Variants in LARP1 observed in about 807,000 individuals in gnomAD.
LARP1 encodes the protein la-related protein 1.
LARP1 carries 36 observed loss-of-function variants against 122.7 expected under a neutral mutation model. That is an observed-to-expected ratio of 0.29 (90% CI 0.22 to 0.39). LARP1 has a LOEUF of 0.39. Ranked by LOEUF, LARP1 falls within the 10% of genes least tolerant of loss-of-function variation. The pLI, the probability that LARP1 is intolerant of heterozygous loss-of-function variation, is 1.00. For missense variants in LARP1, 1,040 were observed against 1,403.6 expected (o/e 0.74, Z 4.14); for synonymous variants, 539 against 528.7 (o/e 1.02, Z -0.27).
intron 1 of LARP1, among the ~76,000 whole-genome samples, chr5:154,762,262 C>CA (rs1561576318): frequency 6.6e-6 from 1 of 151,490 alleles, no homozygotes; most frequent in Non-Finnish European, 1.5e-5. Context: ...ACAAAAAAAC[C>CA]AAAAAAACCT....
intron 1 of LARP1, among the ~76,000 whole-genome samples, chr5:154,694,135 G>T (rs892647918): frequency 2.6e-5 from 4 of 152,102 alleles, no homozygotes; most frequent in Admixed American, 6.6e-5. Context: ...AAAAGTAATG[G>T]GGAGGAGGTT....
chr5:154,809,699 C>CTT (rs773095772), intron 16 of LARP1, among the ~76,000 whole-genome samples: 22 of 134,940 alleles, frequency 1.6e-4, no homozygotes, highest in South Asian at 4.8e-4. Context: ...TATACTATTT[C>CTT]TTTTTTTTTT....
intron 1 of LARP1, among the ~76,000 whole-genome samples, chr5:154,759,272 TTGG>T (rs922360961): frequency 3.9e-5 from 6 of 152,240 alleles, no homozygotes; most frequent in Non-Finnish European, 5.9e-5. Flanking sequence ...ACTCTGGGTC[TTGG>T]TGGGACTTTT....
intron 1 of LARP1, among the ~76,000 whole-genome samples, chr5:154,785,348 T>A (rs1756799119): frequency 6.6e-6 from 1 of 152,240 alleles, no homozygotes; most frequent in African/African-American, 2.4e-5. Flanking sequence ...ATTCTGATTC[T>A]TTCATTTTGA....
chr5:154,781,573 A>T (rs1756448844), intron 1 of LARP1, among the ~76,000 whole-genome samples: 1 of 152,050 alleles, frequency 6.6e-6, no homozygotes, highest in South Asian at 2.1e-4. Flanking sequence ...AGCCTGGGTG[A>T]CAAGAGTGAG....
chr5:154,803,585 C>T lies in LARP1; in HGVS notation c.2279C>T (p.Pro760Leu), dbSNP rs947742278. 6.2e-7 allele frequency: 1 copy of T among 1,614,174 alleles called. No individual in the cohort carries two copies. The highest frequency in any genetic ancestry group is 1.7e-5 in the Admixed American group (1 of 60,024). ...AACAAGTTGTTTGGTGCTCCTGAGC[C>T]CTCCACCATCGCCCGCTCTCTACCA... is the stretch of plus-strand genomic sequence containing the variant. Reference protein sequence around the residue: ...LANKLFGAPEPSTIARSLPTT... With the variant: ...LANKLFGAPELSTIARSLPTT... The change falls in exon 13 of 19, where the codon CCC becomes CTC. Residue 760 changes from proline to leucine, a missense_variant. Coordinates refer to ENST00000518297, the MANE Select transcript of LARP1 (RefSeq NM_033551.3). This position sits in a 1 kb window ranked among gnomAD's most constrained non-coding sequence, Gnocchi z 4.4.
At chr5:154,685,377 C>T (rs773470726) in intron 1 of LARP1, among the ~76,000 whole-genome samples, 8 of 152,154 alleles carry the variant, frequency 5.3e-5, no homozygotes, top group Non-Finnish European at 1.0e-4. Flanking sequence ...CTATTAGGTC[C>T]TTTGGCCATG....
intron 1 of LARP1, among the ~76,000 whole-genome samples, chr5:154,687,956 G>T (rs1321583989): frequency 6.6e-6 from 1 of 152,164 alleles, no homozygotes; most frequent in African/African-American, 2.4e-5. Flanking sequence ...TCCTCTAGTG[G>T]CAGAAGTGAG....
At chr5:154,763,162 G>A (rs988942512) in intron 1 of LARP1, among the ~76,000 whole-genome samples, 5 of 151,010 alleles carry the variant, frequency 3.3e-5, no homozygotes, top group South Asian at 2.1e-4. Flanking sequence ...CTGGGTTCAA[G>A]CGATTCTCCT....
rs377028502 is a variant in LARP1, at chr5:154,769,090, C to T, written c.436+12897C>T. The stretch of plus-strand genomic sequence containing the variant: ...CTGACCTCAGGTGATTCGCCCACCT[C>T]GGCCTCTCAAAGTGCAGGAGTTAAA... On this transcript the variant is annotated intron_variant, in intron 1 of 18. Coordinates refer to ENST00000518297, the MANE Select transcript of LARP1 (RefSeq NM_033551.3). Among the ~76,000 whole-genome samples, 35 of 152,340 alleles carry T rather than the reference C, an allele frequency of 2.3e-4. 1 individual carries two copies. The highest frequency in any genetic ancestry group is 7.9e-4 in the African/African-American group (33 of 41,580).
At chr5:154,758,023 C>T (rs998724805) in intron 1 of LARP1, among the ~76,000 whole-genome samples, 2 of 151,488 alleles carry the variant, frequency 1.3e-5, no homozygotes, top group African/African-American at 4.9e-5. Flanking sequence ...CTTTAAAACA[C>T]TCTTTGGTCC....
At chr5:154,788,064 C>G (rs553672684) in intron 1 of LARP1, among the ~76,000 whole-genome samples, 1 of 152,358 alleles carries the variant, frequency 6.6e-6, no homozygotes, top group African/African-American at 2.4e-5. Context: ...TTGGCCTGCT[C>G]TCCTGGTAGC....
chr5:154,766,290 A>G (rs142716546), intron 1 of LARP1, among the ~76,000 whole-genome samples: 6 of 152,346 alleles, frequency 3.9e-5, no homozygotes, highest in South Asian at 4.1e-4. Context: ...CTTTTGAAAG[A>G]TGACTCTGGC....
intron 1 of LARP1, among the ~76,000 whole-genome samples, chr5:154,769,816 TTCAG>T (rs1190340056): frequency 6.6e-6 from 1 of 152,134 alleles, no homozygotes; most frequent in Non-Finnish European, 1.5e-5. Context: ...TGGGGGCAGC[TTCAG>T]TCAAAGTGTT....
chr5:154,790,549 G>A, intron 2 of LARP1, 96 bp from the exon 3 acceptor site: 1 of 1,399,946 alleles, frequency 7.1e-7, no homozygotes, highest in Non-Finnish European at 1.0e-6. Context: ...TGAACAGACT[G>A]ATTTGGCCTC....
intron 1 of LARP1, among the ~76,000 whole-genome samples, chr5:154,706,955 C>A (rs191674619): frequency 1.7e-3 from 266 of 152,266 alleles, no homozygotes; most frequent in Admixed American, 3.7e-3. Flanking sequence ...ACCATCCCCC[C>A]ACATTTATGG....
intron 1 of LARP1, among the ~76,000 whole-genome samples, chr5:154,785,726 C>T (rs541910119): frequency 3.9e-5 from 6 of 152,226 alleles, no homozygotes; most frequent in African/African-American, 9.6e-5. Flanking sequence ...TAAAGAATCT[C>T]GGGGTTAGAC....
chr5:154,764,309 C>CAAA (rs763026015), intron 1 of LARP1, among the ~76,000 whole-genome samples: 3 of 112,740 alleles, frequency 2.7e-5, no homozygotes, highest in Admixed American at 9.7e-5. Flanking sequence ...GACTTCATCT[C>CAAA]AAAAAAAAAA....
At chr5:154,766,314 G>A (rs745900631) in intron 1 of LARP1, among the ~76,000 whole-genome samples, 54 of 152,214 alleles carry the variant, frequency 3.5e-4, no homozygotes, top group Non-Finnish European at 7.6e-4. Flanking sequence ...ATGGCAGAAC[G>A]TCTTGGGTTA....
Sources: gnomAD v4.1 joint callset for allele counts (sites outside exome capture counted in the v4.1 genomes callset) on GRCh38, gnomAD v4.1.1 for gene constraint, Gnocchi (gnomAD v3.1) non-coding constraint, MANE v1.5 for transcripts, NCBI Gene and HGNC (gene_info 2026-07-23, HGNC 2026-07-21) for gene names.